Variants in CTNNA2 observed in about 807,000 individuals in gnomAD.
CTNNA2 encodes the protein catenin alpha 2.
CTNNA2 carries 42 observed loss-of-function variants against 101.0 expected under a neutral mutation model. The ratio of observed to expected loss-of-function variants is 0.42; its 90% CI spans 0.32 to 0.54. The LOEUF is 0.54. CTNNA2 is among the 20% of genes least tolerant of loss of function. The probability of loss-of-function intolerance (pLI) is 0.14; values close to 1 mark genes in which losing one functional copy is unlikely to be tolerated. For missense variants in CTNNA2, 871 were observed against 1,223.1 expected (o/e 0.71, Z 4.29); for synonymous variants, 450 against 456.4 (o/e 0.99, Z 0.18).
chr2:79,873,765 G>A (rs982835618), intron 5 of CTNNA2, among the ~76,000 whole-genome samples: 3 of 151,890 alleles, frequency 2.0e-5, no homozygotes, highest in Admixed American at 6.6e-5. Context: ...AGCCTGGTGT[G>A]GAAGCATGCA....
chr2:80,267,214 T>A (rs559297138), intron 7 of CTNNA2, among the ~76,000 whole-genome samples: 6 of 152,130 alleles, frequency 3.9e-5, no homozygotes, highest in Non-Finnish European at 8.8e-5. Flanking sequence ...ATCTTCCCAC[T>A]AGTTCTCAGA....
intron 7 of CTNNA2, among the ~76,000 whole-genome samples, chr2:80,196,859 A>G (rs1706867252): frequency 6.6e-6 from 1 of 152,224 alleles, no homozygotes; most frequent in Admixed American, 6.5e-5. Flanking sequence ...GTGGCTTTCC[A>G]GTGCATTAAA....
intron 7 of CTNNA2, among the ~76,000 whole-genome samples, chr2:80,374,678 CGTGCGT>C (rs1195000650): frequency 0.039 from 5,550 of 143,066 alleles, 251 homozygotes; most frequent in African/African-American, 0.11. Flanking sequence ...TGCGTGCGTG[CGTGCGT>C]GTGTGTGTGT....
chr2:79,686,348 G>A (rs747410500), intron 2 of CTNNA2, among the ~76,000 whole-genome samples: 16 of 152,154 alleles, frequency 1.1e-4, no homozygotes, highest in East Asian at 5.8e-4. Flanking sequence ...TCCTGTGGCC[G>A]AAGGAGGAAG....
At chr2:79,919,693 T>C (rs1193175552) in intron 7 of CTNNA2, among the ~76,000 whole-genome samples, 4 of 152,194 alleles carry the variant, frequency 2.6e-5, no homozygotes, top group African/African-American at 9.6e-5. Context: ...GGGAAAACCT[T>C]CCCTTTGAAT....
chr2:80,558,462 A>ATG (rs371107247), intron 12 of CTNNA2, among the ~76,000 whole-genome samples: 1 of 35,728 alleles, frequency 2.8e-5, no homozygotes, highest in Non-Finnish European at 1.2e-4. Context: ...GTGTGTGTAT[A>ATG]TATGTGTGTG....
intron 4 of CTNNA2, among the ~76,000 whole-genome samples, chr2:79,467,854 G>C (rs1363772768): frequency 6.6e-6 from 1 of 152,182 alleles, no homozygotes; most frequent in Non-Finnish European, 1.5e-5. Flanking sequence ...TACCAGGCTT[G>C]CCCTACAAGA....
In CTNNA2 at chr2:79,560,294, C is replaced by A. The variant is rs549413344; in HGVS notation, c.-6+47087C>A. Among the ~76,000 whole-genome samples, 622 of 151,854 alleles carry A rather than the reference C, an allele frequency of 4.1e-3. 4 individuals carry two copies. The highest frequency in any genetic ancestry group is 0.014 in the African/African-American group (581 of 41,402). ...AGATGGAAAAAGATGAATTACAAGG[C>A]ATTAGAAGTTTGTTTTCAGAGACCA... is the stretch of plus-strand genomic sequence containing the variant. On this transcript the variant is annotated intron_variant, in intron 1 of 18. Coordinates refer to ENST00000402739, the MANE Select transcript of CTNNA2 (RefSeq NM_001282597.3).
At chr2:80,050,296 T>C (rs1046027808) in intron 7 of CTNNA2, among the ~76,000 whole-genome samples, 6 of 152,202 alleles carry the variant, frequency 3.9e-5, no homozygotes, top group Admixed American at 3.3e-4. Flanking sequence ...AGTCCAAGTA[T>C]GAGCAGGGCT....
intron 2 of CTNNA2, among the ~76,000 whole-genome samples, chr2:79,205,178 C>A (rs951058326): frequency 1.3e-5 from 2 of 152,062 alleles, no homozygotes; most frequent in African/African-American, 2.4e-5. Flanking sequence ...CAGATTGGAG[C>A]TTCCATATAA....
intron 3 of CTNNA2, among the ~76,000 whole-genome samples, chr2:79,358,967 T>C (rs1677567591): frequency 6.6e-6 from 1 of 152,092 alleles, no homozygotes; most frequent in African/African-American, 2.4e-5. Context: ...CTCAGATGAG[T>C]TCATTTTAAA....
chr2:80,322,737 G>T (rs1353451006), intron 7 of CTNNA2, among the ~76,000 whole-genome samples: 2 of 152,160 alleles, frequency 1.3e-5, no homozygotes, highest in Admixed American at 1.3e-4. Flanking sequence ...GCTTTTGCTG[G>T]TTCCTCACTC....
chr2:79,563,979 A>G (rs1407202392), intron 1 of CTNNA2, among the ~76,000 whole-genome samples: 4 of 152,088 alleles, frequency 2.6e-5, no homozygotes, highest in Non-Finnish European at 4.4e-5. Context: ...TCCAGGATGC[A>G]TTACTGGAGC....
At chr2:79,583,798 G>T (rs1346785688) in intron 1 of CTNNA2, among the ~76,000 whole-genome samples, 1 of 152,196 alleles carries the variant, frequency 6.6e-6, no homozygotes. Context: ...GACTCTTATA[G>T]TGTCCTTGCT....
intron 3 of CTNNA2, among the ~76,000 whole-genome samples, chr2:79,798,642 T>C (rs1675912328): frequency 6.6e-6 from 1 of 150,942 alleles, no homozygotes; most frequent in Admixed American, 6.6e-5. Flanking sequence ...GAAATTACGA[T>C]GTGACCAAAA....
intron 12 of CTNNA2, among the ~76,000 whole-genome samples, chr2:80,564,516 T>TA (rs1482923791): frequency 6.6e-6 from 1 of 152,036 alleles, no homozygotes; most frequent in Non-Finnish European, 1.5e-5. Context: ...AGAGTTTTTT[T>TA]TTTTTTTTTT....
intron 7 of CTNNA2, among the ~76,000 whole-genome samples, chr2:80,279,048 A>AAGTGTGTGTGTG (rs1385414261): frequency 3.8e-5 from 1 of 26,266 alleles, no homozygotes; most frequent in Admixed American, 4.4e-4. Flanking sequence ...AATGACTTTT[A>AAGTGTGTGTGTG]CGTGTGTGTG....
At chr2:79,769,077 G>C (rs553071012) in intron 3 of CTNNA2, among the ~76,000 whole-genome samples, 1 of 152,042 alleles carries the variant, frequency 6.6e-6, no homozygotes, top group Non-Finnish European at 1.5e-5. Flanking sequence ...GGATGGTCTC[G>C]ATCTCCTGAC....
intron 1 of CTNNA2, among the ~76,000 whole-genome samples, chr2:79,516,702 A>G (rs946699905): frequency 1.3e-5 from 2 of 152,178 alleles, no homozygotes; most frequent in African/African-American, 2.4e-5. Flanking sequence ...ATCCTGAGAC[A>G]TGGAATCCAT....
Sources: gnomAD v4.1 joint callset for allele counts (sites outside exome capture counted in the v4.1 genomes callset) on GRCh38, gnomAD v4.1.1 for gene constraint, MANE v1.5 for transcripts, NCBI Gene and HGNC (gene_info 2026-07-23, HGNC 2026-07-21) for gene names.